Variants in DNAJC1 observed in about 807,000 individuals in gnomAD.
DNAJC1 encodes dnaJ homolog subfamily C member 1.
In DNAJC1, 58 loss-of-function variants were observed where a neutral mutation model predicts 76.6. That is an observed-to-expected ratio of 0.76 (90% CI 0.61 to 0.94). The LOEUF is 0.94. DNAJC1 is among the 40% of genes least tolerant of loss of function. The pLI, the probability that DNAJC1 is intolerant of heterozygous loss-of-function variation, is 0.00. For synonymous variants in DNAJC1, 258 were observed against 267.9 expected (o/e 0.96, Z 0.36); for missense variants, 689 against 677.3 (o/e 1.02, Z -0.19).
chr10:21,937,851 ACAT>A (rs2131791636), intron 1 of DNAJC1, among the ~76,000 whole-genome samples: 1 of 152,272 alleles, frequency 6.6e-6, no homozygotes, highest in African/African-American at 2.4e-5. Flanking sequence ...ATTAAACAAC[ACAT>A]TTTTAAACAA....
intron 5 of DNAJC1, among the ~76,000 whole-genome samples, chr10:21,919,523 CCTGAG>C (rs1837006245): frequency 6.6e-6 from 1 of 151,866 alleles, no homozygotes; most frequent in Non-Finnish European, 1.5e-5. Context: ...TACTGTCACT[CCTGAG>C]CTAAGTGATA....
chr10:21,826,932 G>A (rs1218048593), intron 8 of DNAJC1, among the ~76,000 whole-genome samples: 1 of 151,176 alleles, frequency 6.6e-6, no homozygotes, highest in Non-Finnish European at 1.5e-5. Flanking sequence ...AAATCAGGAA[G>A]TATGAGTTCT....
Position 21,774,521 on chromosome 10 carries a change from C to A in DNAJC1, c.1099-8212G>T, listed in dbSNP as rs540381178. On this transcript the variant is annotated intron_variant, in intron 9 of 11. Coordinates refer to ENST00000376980, the MANE Select transcript of DNAJC1 (RefSeq NM_022365.4). The stretch of plus-strand genomic sequence containing the variant: ...TATTTTCTCCTCTCTGTCACCTAGA[C>A]TGGAGCGCAGTGGCGCAATCTCGGC... 1.5e-4 allele frequency among the ~76,000 whole-genome samples: 23 copies of A among 152,338 alleles called. No homozygotes were observed. The South Asian group carries it at 3.5e-3, about 23-fold the overall frequency.
At chr10:21,819,977 C>G (rs527934610) in intron 8 of DNAJC1, among the ~76,000 whole-genome samples, 1 of 152,226 alleles carries the variant, frequency 6.6e-6, no homozygotes, top group Non-Finnish European at 1.5e-5. Flanking sequence ...CATAAATTCA[C>G]CTATTTAAAG....
chr10:21,786,459 TATATAGAGAGAGAG>T (rs1451832958), intron 9 of DNAJC1, among the ~76,000 whole-genome samples: 100 of 37,660 alleles, frequency 2.7e-3, no homozygotes, highest in African/African-American at 8.7e-3. Context: ...TATATATATA[TATATAGAGAGAGAG>T]AGAGAGAGAG....
rs1458812461 is a variant in DNAJC1 at position 21,853,924 on chromosome 10, T to C, written c.978+28358A>G. Among the ~76,000 whole-genome samples, 6 of 151,944 alleles carry C rather than the reference T, an allele frequency of 3.9e-5. No homozygotes were observed. In the East Asian group the frequency reaches 7.7e-4, roughly 19 times the overall value. On this transcript the variant is annotated intron_variant, in intron 8 of 11. Transcript: ENST00000376980. ...CCCCTGTTATTCCTAGTTGTGAATA[T>C]GGGAAGATACTCCCAGAAGTTTAAA... is the stretch of plus-strand genomic sequence containing the variant.
chr10:21,768,771 T>C (rs568785016), intron 9 of DNAJC1, among the ~76,000 whole-genome samples: 62 of 152,324 alleles, frequency 4.1e-4, no homozygotes, highest in Admixed American at 1.8e-3. Context: ...GCTCAAAAAT[T>C]TGATTGCCCC....
chr10:21,808,156 T>C (rs188969220), intron 8 of DNAJC1, among the ~76,000 whole-genome samples: 1 of 152,134 alleles, frequency 6.6e-6, no homozygotes, highest in Admixed American at 6.6e-5. Context: ...TCACACTAAA[T>C]CAAATTACCT....
chr10:21,932,203 G>T (rs1432567037), intron 1 of DNAJC1, among the ~76,000 whole-genome samples: 1 of 152,124 alleles, frequency 6.6e-6, no homozygotes, highest in Admixed American at 6.5e-5. Context: ...AGCTGGGTGT[G>T]GTGGCATGTG....
intron 1 of DNAJC1, among the ~76,000 whole-genome samples, chr10:21,938,102 T>C (rs1026251597): frequency 6.6e-6 from 1 of 152,178 alleles, no homozygotes; most frequent in Non-Finnish European, 1.5e-5. Flanking sequence ...AGATATTTCT[T>C]TTTGGATTCA....
chr10:21,947,063 G>C (rs186288914), intron 1 of DNAJC1, among the ~76,000 whole-genome samples: 101 of 152,230 alleles, frequency 6.6e-4, no homozygotes, highest in African/African-American at 2.3e-3. Flanking sequence ...AGAACTGTAA[G>C]AAAGAAGTAT....
chr10:21,957,185 T>G (rs2998360), intron 1 of DNAJC1, among the ~76,000 whole-genome samples: 2 of 151,944 alleles, frequency 1.3e-5, no homozygotes, highest in Non-Finnish European at 2.9e-5. Flanking sequence ...CCACTGCGCC[T>G]GACCAGAATT....
intron 8 of DNAJC1, among the ~76,000 whole-genome samples, chr10:21,830,208 A>G (rs1835333564): frequency 1.3e-5 from 2 of 152,072 alleles, no homozygotes; most frequent in South Asian, 2.1e-4. Flanking sequence ...ACTTTTTCTC[A>G]CTACCCTCTC....
chr10:21,844,073 T>C (rs1191148143), intron 8 of DNAJC1, among the ~76,000 whole-genome samples: 1 of 152,168 alleles, frequency 6.6e-6, no homozygotes, highest in Non-Finnish European at 1.5e-5. Flanking sequence ...GTAAGATGTG[T>C]CTTTGCTTCT....
intron 9 of DNAJC1, among the ~76,000 whole-genome samples, chr10:21,770,395 CTT>C (rs34881959): frequency 0.031 from 3,377 of 107,468 alleles, 56 homozygotes; most frequent in Middle Eastern, 0.09. Flanking sequence ...TTTTTTTCTT[CTT>C]TTTTTTTTTT....
chr10:21,796,053 G>A (rs974000544), intron 9 of DNAJC1, among the ~76,000 whole-genome samples: 1 of 147,332 alleles, frequency 6.8e-6, no homozygotes, highest in East Asian at 2.0e-4. Context: ...CACTGCAACC[G>A]CCACCTCCTG....
chr10:21,800,898 T>C (rs945394374), intron 9 of DNAJC1, among the ~76,000 whole-genome samples: 2 of 152,226 alleles, frequency 1.3e-5, no homozygotes, highest in African/African-American at 4.8e-5. Context: ...GAGTTAATGA[T>C]ATAAATCTCT....
At chr10:21,928,126 G>T (rs1052491703) in intron 3 of DNAJC1, among the ~76,000 whole-genome samples, 1 of 152,080 alleles carries the variant, frequency 6.6e-6, no homozygotes, top group Non-Finnish European at 1.5e-5. Flanking sequence ...TTAAGGAATG[G>T]GGGGGAAAAG....
At chr10:21,998,116 C>A (rs1014673018) in intron 1 of DNAJC1, among the ~76,000 whole-genome samples, 1 of 151,874 alleles carries the variant, frequency 6.6e-6, no homozygotes, top group Admixed American at 6.6e-5. Context: ...AGAGGCTGGG[C>A]GCAGTGGTTC....
Sources: allele counts gnomAD v4.1 joint callset (sites outside exome capture counted in the v4.1 genomes callset), GRCh38; gene constraint gnomAD v4.1.1; transcripts MANE v1.5; gene names NCBI Gene and HGNC (gene_info 2026-07-23, HGNC 2026-07-21).